The following RASGRP3 variants were observed in gnomAD, a reference collection of about 807,000 sequenced individuals.
RASGRP3 encodes the protein ras guanyl-releasing protein 3.
In RASGRP3, 54 loss-of-function variants were observed where a neutral mutation model predicts 82.7. The observed-to-expected ratio is 0.65, with a 90% CI of 0.52 to 0.82. The LOEUF (loss-of-function observed/expected upper bound fraction) is 0.82. Ranked by LOEUF, RASGRP3 falls within the 40% of genes least tolerant of loss-of-function variation. RASGRP3 has a pLI of 0.00. For missense variants in RASGRP3, 861 were observed against 828.9 expected (o/e 1.04, Z -0.48); for synonymous variants, 309 against 300.5 (o/e 1.03, Z -0.29).
chr2:33,465,210 A>C (rs1289984093), intron 2 of RASGRP3, among the ~76,000 whole-genome samples: 3 of 152,008 alleles, frequency 2.0e-5, no homozygotes, highest in African/African-American at 7.3e-5. Context: ...GATATGAAGA[A>C]AGTTTTAGTG....
chr2:33,504,379 T>C (rs1306644512), intron 1 of RASGRP3, among the ~76,000 whole-genome samples: 1 of 152,206 alleles, frequency 6.6e-6, no homozygotes, highest in African/African-American at 2.4e-5. Context: ...AACTGATTTA[T>C]ATTATGTCTC....
At chr2:33,511,873 T>C (rs1480994385) in intron 2 of RASGRP3, 31 bp downstream of exon 2, 1 of 152,652 alleles carries the variant, frequency 6.6e-6, no homozygotes, top group Non-Finnish European at 1.5e-5. Context: ...TCATAAATTA[T>C]GTAAGAATTC....
At chr2:33,468,959 G>A (rs142393505) in intron 2 of RASGRP3, among the ~76,000 whole-genome samples, 43 of 152,226 alleles carry the variant, frequency 2.8e-4, no homozygotes, top group African/African-American at 8.9e-4. Flanking sequence ...TATGTTGTAC[G>A]ATTTATATTC....
chr2:33,469,478 T>G (rs76083528), intron 2 of RASGRP3, among the ~76,000 whole-genome samples: 1 of 150,346 alleles, frequency 6.7e-6, no homozygotes, highest in Non-Finnish European at 1.5e-5. Context: ...TTTTTTTTTT[T>G]GACATGGAGT....
intron 17 of RASGRP3, chr2:33,559,780 G>A (rs937079913): frequency 5.1e-6 from 2 of 389,886 alleles, no homozygotes; most frequent in African/African-American, 4.1e-5. Context: ...ACAGAATATT[G>A]GGTTAGGCAG....
intron 9 of RASGRP3, among the ~76,000 whole-genome samples, chr2:33,524,940 G>C (rs1056793673): frequency 1.3e-4 from 19 of 151,894 alleles, no homozygotes; most frequent in African/African-American, 4.6e-4. Flanking sequence ...AATTAGCCGG[G>C]TGTGGTGGCA....
chr2:33,516,517 A>C (rs778181049), intron 3 of RASGRP3, 25 bp from the exon 4 acceptor site: 1 of 1,450,054 alleles, frequency 6.9e-7, no homozygotes, highest in Non-Finnish European at 9.5e-7. Flanking sequence ...TTATCTCCTC[A>C]CTTCTTGTTT....
At chr2:33,556,928 C>CACACACACACACAT (rs1553366467) in intron 15 of RASGRP3, among the ~76,000 whole-genome samples, 7 of 148,306 alleles carry the variant, frequency 4.7e-5, no homozygotes, top group African/African-American at 1.5e-4. Context: ...CACACACACA[C>CACACACACACACAT]GCAATTTTAT....
chr2:33,543,423 G>C, intron 12 of RASGRP3, 89 bp from the exon 13 acceptor site: 1 of 730,960 alleles, frequency 1.4e-6, no homozygotes, highest in East Asian at 2.7e-5. Flanking sequence ...TGATAGAAAG[G>C]ATCATATGCT....
intron 1 of RASGRP3, among the ~76,000 whole-genome samples, chr2:33,478,628 A>C (rs575099888): frequency 6.6e-6 from 1 of 152,322 alleles, no homozygotes; most frequent in South Asian, 2.1e-4. Context: ...CAAAATAATA[A>C]AAAATAATGA....
intron 13 of RASGRP3, 112 bp downstream of exon 13, chr2:33,543,739 CTT>C: frequency 1.4e-6 from 1 of 701,630 alleles, no homozygotes; most frequent in Non-Finnish European, 2.4e-6. Context: ...AACCCTGGTG[CTT>C]TGATGAGCCA....
intron 2 of RASGRP3, among the ~76,000 whole-genome samples, chr2:33,452,920 G>A (rs1311561332): frequency 1.3e-5 from 2 of 152,296 alleles, no homozygotes; most frequent in East Asian, 3.9e-4. Flanking sequence ...CCTAGAGCCT[G>A]GGATCATGAG....
At chr2:33,554,407 G>A (rs1267515210) in intron 14 of RASGRP3, among the ~76,000 whole-genome samples, 2 of 152,138 alleles carry the variant, frequency 1.3e-5, no homozygotes, top group African/African-American at 4.8e-5. Context: ...TACCCATACT[G>A]TATGCCTCTG....
Position 33,470,916 on chromosome 2 carries a change from T to C in RASGRP3, c.-261+22973T>C, listed in dbSNP as rs59359186. The stretch of plus-strand genomic sequence containing the variant: ...AATACTTTTGTCTCCATTTTTCTCA[T>C]AAAATTCTTCTTTAGTTTCTTTTTC... On this transcript the variant is annotated intron_variant, in intron 2 of 18. Transcript: ENST00000402538. 9.5e-3 allele frequency among the ~76,000 whole-genome samples: 1,444 copies of C among 152,300 alleles called. 19 individuals carry two copies. The highest frequency in any genetic ancestry group is 0.033 in the African/African-American group (1,391 of 41,560).
chr2:33,552,840 C>A (rs1675501327), intron 14 of RASGRP3, among the ~76,000 whole-genome samples: 1 of 152,208 alleles, frequency 6.6e-6, no homozygotes, highest in African/African-American at 2.4e-5. Flanking sequence ...ATGAGTCACA[C>A]CCAGGTCTCC....
intron 3 of RASGRP3, 52 bp downstream of exon 3, chr2:33,515,258 T>C (rs562942258): frequency 6.3e-7 from 1 of 1,590,696 alleles, no homozygotes; most frequent in African/African-American, 1.3e-5. Flanking sequence ...TGCTCTCACT[T>C]TCCTCTATTC....
At chr2:33,472,145 G>C (rs149892291), upstream of RASGRP3, among the ~76,000 whole-genome samples, 1 of 151,988 alleles carries the variant, frequency 6.6e-6, no homozygotes, top group African/African-American at 2.4e-5. Context: ...TTTATTCATC[G>C]AGGATTGTTT....
chr2:33,540,578 G>T (rs1344095588), intron 12 of RASGRP3, among the ~76,000 whole-genome samples: 1 of 68,478 alleles, frequency 1.5e-5, no homozygotes, highest in African/African-American at 3.5e-5. Context: ...GTGTGTGTGT[G>T]TGTGTGTGTG....
At chr2:33,488,543 A>G (rs1427783740) in intron 1 of RASGRP3, among the ~76,000 whole-genome samples, 3 of 152,212 alleles carry the variant, frequency 2.0e-5, no homozygotes, top group Admixed American at 1.3e-4. Context: ...TCCATACACA[A>G]TGGAAAAAAA....
Sources: allele counts gnomAD v4.1 joint callset (sites outside exome capture counted in the v4.1 genomes callset), GRCh38; gene constraint gnomAD v4.1.1; transcripts MANE v1.5; gene names NCBI Gene and HGNC (gene_info 2026-07-23, HGNC 2026-07-21).